Variants in DPP6 observed in about 807,000 individuals in gnomAD.
DPP6 encodes dipeptidyl peptidase like 6.
A neutral mutation model predicts 122.6 loss-of-function variants in DPP6; 69 were observed. That is an observed-to-expected ratio of 0.56 (90% CI 0.46 to 0.69). The LOEUF is 0.69. Among genes scored for constraint, DPP6 ranks in the 30% least tolerant of loss-of-function variants. The probability of loss-of-function intolerance (pLI) is 0.00; values close to 1 mark genes in which losing one functional copy is unlikely to be tolerated. For synonymous variants in DPP6, 418 were observed against 433.1 expected (o/e 0.97, Z 0.43); for missense variants, 928 against 1,116.9 (o/e 0.83, Z 2.41).
At chr7:154,778,563 CCA>C (rs1491094431) in intron 10 of DPP6, among the ~76,000 whole-genome samples, 54 of 151,278 alleles carry the variant, frequency 3.6e-4, no homozygotes, top group Non-Finnish European at 6.3e-4. Flanking sequence ...GCACCCCCCC[CCA>C]AAAAAAACCA....
intron 10 of DPP6, among the ~76,000 whole-genome samples, chr7:154,781,756 A>C (rs886545256): frequency 6.6e-6 from 1 of 152,132 alleles, no homozygotes. Context: ...AACATTGCTA[A>C]AAAAATACCA....
chr7:153,986,056 G>A (rs1298202122), intron 1 of DPP6, among the ~76,000 whole-genome samples: 2 of 152,104 alleles, frequency 1.3e-5, no homozygotes, highest in Non-Finnish European at 2.9e-5. Flanking sequence ...GATCAGGTGC[G>A]TTCAGGGTCG....
the DPP6 span, among the ~76,000 whole-genome samples, chr7:153,874,721 A>G: frequency 2.0e-5 from 3 of 152,236 alleles, no homozygotes; most frequent in African/African-American, 7.2e-5. Context: ...TTAAAATCAA[A>G]TGGGCATATT....
intron 1 of DPP6, among the ~76,000 whole-genome samples, chr7:154,440,703 A>G (rs867454471): frequency 6.6e-6 from 1 of 152,174 alleles, no homozygotes. Context: ...GAAGAGATTG[A>G]TTGGTTTAAA....
chr7:154,686,601 A>G (rs1839620962), intron 7 of DPP6, among the ~76,000 whole-genome samples: 1 of 152,308 alleles, frequency 6.6e-6, no homozygotes, highest in African/African-American at 2.4e-5. Flanking sequence ...CCCAGGGCAG[A>G]CACTGAACCC....
chr7:154,058,835 C>T (rs1801202617), intron 1 of DPP6: 2 of 149,792 alleles, frequency 1.3e-5, no homozygotes, highest in Admixed American at 6.7e-5. Flanking sequence ...ATCCCCTCTT[C>T]CGCCCCTGGC....
chr7:154,646,520 T>C (rs1836493950), intron 6 of DPP6, among the ~76,000 whole-genome samples: 1 of 152,092 alleles, frequency 6.6e-6, no homozygotes, highest in Non-Finnish European at 1.5e-5. Context: ...CCTCCTTCTC[T>C]AAAAAAAACC....
chr7:154,814,772 G>A (rs1424112070), intron 16 of DPP6, among the ~76,000 whole-genome samples: 1 of 152,190 alleles, frequency 6.6e-6, no homozygotes, highest in Non-Finnish European at 1.5e-5. Flanking sequence ...GCTTCTGGTG[G>A]TTGCCAGCAG....
At chr7:153,786,916 A>G in the DPP6 span, among the ~76,000 whole-genome samples, 1 of 146,504 alleles carries the variant, frequency 6.8e-6, no homozygotes, top group Admixed American at 6.8e-5. Context: ...ACTTTATGTA[A>G]AAAAACATAG....
intron 4 of DPP6, among the ~76,000 whole-genome samples, chr7:154,546,287 T>A (rs1422135202): frequency 6.6e-6 from 1 of 152,020 alleles, no homozygotes; most frequent in East Asian, 1.9e-4. Context: ...TCTTGTTGGG[T>A]GGTGAGATTT....
At chr7:154,696,670 G>A (rs1282003351) in intron 7 of DPP6, among the ~76,000 whole-genome samples, 1 of 152,214 alleles carries the variant, frequency 6.6e-6, no homozygotes, top group Non-Finnish European at 1.5e-5. Context: ...CACCTAGGCT[G>A]TCTGTGCCTC....
Position 154,624,755 on chromosome 7 carries a change from A to G in DPP6, c.628-13066A>G, listed in dbSNP as rs888522415. ...AGTGTCTCCCAGGAAGAAACCTGTT[A>G]ATCTGCACCATGTCAGGGACCCCAC... On this transcript the variant is annotated intron_variant, in intron 5 of 25. Transcript: ENST00000377770. The surrounding 1 kb of genome is among the most constrained non-coding windows in gnomAD (Gnocchi z 4.7). Among the ~76,000 whole-genome samples, 2 of 152,300 alleles carry G rather than the reference A, an allele frequency of 1.3e-5. No homozygotes were observed. Among genetic ancestry groups the G allele is most frequent in the East Asian group, 3.9e-4 (2 of 5,186 alleles).
chr7:154,081,551 G>A (rs578235822), intron 1 of DPP6, among the ~76,000 whole-genome samples: 3 of 146,664 alleles, frequency 2.0e-5, no homozygotes, highest in South Asian at 2.2e-4. Flanking sequence ...AGGAGGGAGC[G>A]GTCACTGTGG....
intron 1 of DPP6, among the ~76,000 whole-genome samples, chr7:154,283,694 A>G (rs1482965435): frequency 6.6e-6 from 1 of 152,208 alleles, no homozygotes; most frequent in Non-Finnish European, 1.5e-5. Context: ...GATGATCTCG[A>G]CGATCTTGCT....
At chr7:154,859,630 C>T (rs372213782) in intron 17 of DPP6, among the ~76,000 whole-genome samples, 22 of 152,116 alleles carry the variant, frequency 1.4e-4, no homozygotes, top group South Asian at 8.3e-4. Flanking sequence ...ACAGAGCCTG[C>T]GGGGTGTTCA....
At chr7:153,997,493 C>A (rs1367123642) in intron 1 of DPP6, among the ~76,000 whole-genome samples, 1 of 151,844 alleles carries the variant, frequency 6.6e-6, no homozygotes, top group African/African-American at 2.4e-5. Flanking sequence ...TGCTGTAAGC[C>A]AGGCATTCAC....
intron 16 of DPP6, among the ~76,000 whole-genome samples, chr7:154,823,901 A>G (rs1799963021): frequency 6.6e-6 from 1 of 152,228 alleles, no homozygotes; most frequent in Non-Finnish European, 1.5e-5. Flanking sequence ...TGATGGTAAT[A>G]ATAAAAAACC....
intron 16 of DPP6, among the ~76,000 whole-genome samples, chr7:154,831,947 C>T (rs1800663334): frequency 6.6e-6 from 1 of 152,226 alleles, no homozygotes; most frequent in Non-Finnish European, 1.5e-5. Flanking sequence ...CTATGGCCCT[C>T]TCCTTCATCA....
exon 1 of DPP6, chr7:153,887,430 C>A: frequency 2.3e-6 from 1 of 438,804 alleles, no homozygotes; most frequent in Non-Finnish European, 4.1e-6. Flanking sequence ...ACCCACCCTC[C>A]ATCCAGGCTT....
Sources: allele counts gnomAD v4.1 joint callset (sites outside exome capture counted in the v4.1 genomes callset), GRCh38; gene constraint gnomAD v4.1.1; non-coding constraint Gnocchi (gnomAD v3.1); transcripts MANE v1.5; gene names NCBI Gene and HGNC (gene_info 2026-07-23, HGNC 2026-07-21).